The following CBLB variants were observed in gnomAD, a reference collection of about 807,000 sequenced individuals.
The protein encoded by CBLB is E3 ubiquitin-protein ligase CBL-B.
In CBLB, 31 loss-of-function variants were observed where a neutral mutation model predicts 104.9. That is an observed-to-expected ratio of 0.30 (90% CI 0.22 to 0.40). The LOEUF (loss-of-function observed/expected upper bound fraction) is 0.40, where lower values mean the gene tolerates loss of function less well. Ranked by LOEUF, CBLB falls within the 10% of genes least tolerant of loss-of-function variation. The pLI is 1.00. For synonymous variants in CBLB, 440 were observed against 422.6 expected (o/e 1.04, Z -0.51); for missense variants, 1,062 against 1,214.6 (o/e 0.87, Z 1.87).
At chr3:105,754,629 C>T (rs2076917041) in intron 4 of CBLB, among the ~76,000 whole-genome samples, 2 of 151,848 alleles carry the variant, frequency 1.3e-5, no homozygotes, top group African/African-American at 2.4e-5. Context: ...TCTATTGACC[C>T]TTACAATTAT....
intron 2 of CBLB, among the ~76,000 whole-genome samples, chr3:105,854,504 TAGTGTAATG>T (rs750525339): frequency 6.6e-6 from 1 of 152,056 alleles, no homozygotes; most frequent in Admixed American, 6.6e-5. Flanking sequence ...TAGCATTATA[TAGTGTAATG>T]GGACAGCACT....
chr3:105,670,454 A>T, intron 17 of CBLB, 102 bp from the exon 18 acceptor site: 1 of 953,058 alleles, frequency 1.0e-6, no homozygotes, highest in Non-Finnish European at 1.6e-6. Context: ...GCTTTCAAAA[A>T]TAAATTAGAA....
At chr3:105,811,421 T>C (rs1311877878) in intron 3 of CBLB, among the ~76,000 whole-genome samples, 1 of 152,166 alleles carries the variant, frequency 6.6e-6, no homozygotes, top group Non-Finnish European at 1.5e-5. Flanking sequence ...TGGCTTTGAG[T>C]AAGTCACGGA....
At chr3:105,802,055 T>C (rs1280706467) in intron 3 of CBLB, among the ~76,000 whole-genome samples, 1 of 152,222 alleles carries the variant, frequency 6.6e-6, no homozygotes, top group Non-Finnish European at 1.5e-5. Context: ...ACTGAATCAC[T>C]GTAATAACCT....
intron 18 of CBLB, among the ~76,000 whole-genome samples, chr3:105,667,635 C>T (rs1452205434): frequency 1.3e-5 from 2 of 152,052 alleles, no homozygotes; most frequent in Non-Finnish European, 2.9e-5. Flanking sequence ...ATTTAGAAGG[C>T]TCTTTATATA....
At position 105,785,300 on chromosome 3, in the gene CBLB, T is replaced by C. The variant is rs76959000; in HGVS notation, c.420-8758A>G. Among the ~76,000 whole-genome samples, 259 of 152,322 alleles carry C rather than the reference T, an allele frequency of 1.7e-3. 2 individuals carry two copies. The highest frequency in any genetic ancestry group is 6.1e-3 in the African/African-American group (252 of 41,578). On this transcript the variant is annotated intron_variant, in intron 3 of 18. Coordinates refer to ENST00000394030, the MANE Select transcript of CBLB (RefSeq NM_170662.5). ...AGATAGGAATAGCCTATAAAATTAG[T>C]TTACAGAAAATAATTTTTAACCAAA... is the stretch of plus-strand genomic sequence containing the variant.
intron 3 of CBLB, among the ~76,000 whole-genome samples, chr3:105,818,575 C>T (rs560357559): frequency 6.6e-6 from 1 of 152,188 alleles, no homozygotes; most frequent in South Asian, 2.1e-4. Context: ...AAAACTCAAA[C>T]TTACCAGCAA....
intron 17 of CBLB, among the ~76,000 whole-genome samples, chr3:105,677,806 A>C (rs1255291685): frequency 5.4e-5 from 8 of 148,802 alleles, no homozygotes; most frequent in Non-Finnish European, 1.2e-4. Flanking sequence ...TAAACAAATA[A>C]TATTATATAA....
chr3:105,828,646 CTAA>C, intron 3 of CBLB, among the ~76,000 whole-genome samples: 1 of 152,232 alleles, frequency 6.6e-6, no homozygotes, highest in East Asian at 1.9e-4. Flanking sequence ...TAAATATGCA[CTAA>C]TAAGTTTAAA....
chr3:105,823,318 C>T (rs555577176), intron 3 of CBLB, among the ~76,000 whole-genome samples: 4 of 152,248 alleles, frequency 2.6e-5, no homozygotes, highest in Admixed American at 6.5e-5. Context: ...CTCATAGATG[C>T]TTCTCTTGGA....
At chr3:105,750,175 C>A (rs1262500574) in intron 5 of CBLB, among the ~76,000 whole-genome samples, 1 of 152,028 alleles carries the variant, frequency 6.6e-6, no homozygotes, top group African/African-American at 2.4e-5. Context: ...CTCATCACCA[C>A]GCCCAGCTAA....
At chr3:105,735,554 C>A (rs974026586) in intron 8 of CBLB, among the ~76,000 whole-genome samples, 1 of 151,914 alleles carries the variant, frequency 6.6e-6, no homozygotes, top group Non-Finnish European at 1.5e-5. Context: ...TTTTTAATGG[C>A]TTTATAAAGA....
At chr3:105,669,473 T>C (rs1401951458) in intron 18 of CBLB, among the ~76,000 whole-genome samples, 1 of 152,158 alleles carries the variant, frequency 6.6e-6, no homozygotes, top group African/African-American at 2.4e-5. Context: ...GTTTGCTGTT[T>C]AGGCAATCCA....
chr3:105,866,688 G>A (rs2092445840), intron 2 of CBLB, among the ~76,000 whole-genome samples: 1 of 152,096 alleles, frequency 6.6e-6, no homozygotes, highest in Non-Finnish European at 1.5e-5. Context: ...GACTTCTCTG[G>A]ATACTGACAC....
At position 105,704,304 on chromosome 3, in the gene CBLB, A is replaced by T. The variant is rs563034969; in HGVS notation, c.1408-131T>A. On this transcript the variant is annotated intron_variant, in intron 10 of 18. Transcript: ENST00000394030. The stretch of plus-strand genomic sequence containing the variant: ...TTGTTAAAATGAATTCCCTTAGTTT[A>T]CCCTGATTAATAGAAGCAAATAGTT... The T allele has an allele frequency of 7.3e-6, 6 of 821,472 alleles. No homozygotes were observed. The South Asian group carries it at 8.7e-5, about 12-fold the overall frequency. 50.9% of individuals were successfully genotyped at this position (821,472 alleles called of 1,614,324 possible).
chr3:105,795,266 G>C (rs755229180), intron 3 of CBLB, among the ~76,000 whole-genome samples: 24 of 152,084 alleles, frequency 1.6e-4, no homozygotes, highest in Admixed American at 4.6e-4. Flanking sequence ...TCACAAACTA[G>C]AAACCTAAAC....
chr3:105,661,864 G>A (rs764442246), intron 18 of CBLB, among the ~76,000 whole-genome samples: 1 of 152,122 alleles, frequency 6.6e-6, no homozygotes, highest in Non-Finnish European at 1.5e-5. Flanking sequence ...GTAATATACA[G>A]TATATGGACT....
At chr3:105,741,387 G>T (rs2075560913) in intron 6 of CBLB, among the ~76,000 whole-genome samples, 1 of 150,610 alleles carries the variant, frequency 6.6e-6, no homozygotes, top group Admixed American at 6.6e-5. Context: ...TTGTTATTTT[G>T]TTGTTGTTGT....
intron 3 of CBLB, among the ~76,000 whole-genome samples, chr3:105,806,740 A>G (rs1344649995): frequency 6.6e-6 from 1 of 152,212 alleles, no homozygotes; most frequent in Non-Finnish European, 1.5e-5. Flanking sequence ...TGATGGATAG[A>G]AATGCACAAA....
Sources: allele counts gnomAD v4.1 joint callset (sites outside exome capture counted in the v4.1 genomes callset), GRCh38; gene constraint gnomAD v4.1.1; transcripts MANE v1.5; gene names NCBI Gene and HGNC (gene_info 2026-07-23, HGNC 2026-07-21).